Variants in LARP1 observed in about 807,000 individuals in gnomAD.
LARP1 encodes la-related protein 1.
In LARP1, 36 loss-of-function variants were observed where a neutral mutation model predicts 122.7. The ratio of observed to expected loss-of-function variants is 0.29; its 90% CI spans 0.22 to 0.39. LARP1 has a LOEUF of 0.39. Ranked by LOEUF, LARP1 falls within the 10% of genes least tolerant of loss-of-function variation. LARP1 has a pLI of 1.00. For missense variants in LARP1, 1,040 were observed against 1,403.6 expected (o/e 0.74, Z 4.14); for synonymous variants, 539 against 528.7 (o/e 1.02, Z -0.27).
At chr5:154,727,764 A>G (rs1191520444) in intron 1 of LARP1, among the ~76,000 whole-genome samples, 5 of 152,186 alleles carry the variant, frequency 3.3e-5, no homozygotes, top group Non-Finnish European at 5.9e-5. Flanking sequence ...ATACAACTTT[A>G]TCTGTAAAAT....
intron 1 of LARP1, among the ~76,000 whole-genome samples, chr5:154,750,250 G>A (rs958101123): frequency 6.6e-6 from 1 of 152,198 alleles, no homozygotes; most frequent in Non-Finnish European, 1.5e-5. Flanking sequence ...GTGCAGTGGT[G>A]CAATCATGGC....
intron 1 of LARP1, among the ~76,000 whole-genome samples, chr5:154,738,546 C>T (rs1330031478): frequency 1.3e-5 from 2 of 151,960 alleles, no homozygotes; most frequent in Admixed American, 6.6e-5. Context: ...GAGCCGAGAT[C>T]GGGCCACCGC....
At chr5:154,707,644 G>T (rs954798084) in intron 1 of LARP1, among the ~76,000 whole-genome samples, 1 of 152,132 alleles carries the variant, frequency 6.6e-6, no homozygotes, top group Non-Finnish European at 1.5e-5. Context: ...GGGTGGGGGG[G>T]CATGGTTTCA....
chr5:154,795,979 TTATATATTATATATTTTTA>T (rs1757752269), intron 8 of LARP1, among the ~76,000 whole-genome samples: 1 of 118,590 alleles, frequency 8.4e-6, no homozygotes, highest in Non-Finnish European at 1.6e-5. Context: ...TATTATATAT[TTATATATTATATATTTTTA>T]TATATATTAT....
At chr5:154,723,902 C>T (rs962906145) in intron 1 of LARP1, among the ~76,000 whole-genome samples, 7 of 152,208 alleles carry the variant, frequency 4.6e-5, no homozygotes, top group African/African-American at 1.7e-4. Flanking sequence ...GATTCTCCCT[C>T]TACTCTGGAT....
intron 15 of LARP1, among the ~76,000 whole-genome samples, chr5:154,807,690 A>G (rs891490714): frequency 6.6e-6 from 1 of 152,192 alleles, no homozygotes; most frequent in Admixed American, 6.5e-5. Context: ...AGCTGGGACT[A>G]CAGGCATGCT....
At chr5:154,764,662 T>C (rs554190012) in intron 1 of LARP1, among the ~76,000 whole-genome samples, 5 of 150,280 alleles carry the variant, frequency 3.3e-5, no homozygotes, top group African/African-American at 7.3e-5. Context: ...CCCAGCACTT[T>C]GGGAGGCCGA....
chr5:154,789,150 G>A (rs1216554660), intron 1 of LARP1, among the ~76,000 whole-genome samples: 1 of 150,856 alleles, frequency 6.6e-6, no homozygotes, highest in East Asian at 2.0e-4. Flanking sequence ...GGCAGGTGTT[G>A]CAGTGAGCCG....
chr5:154,792,970 C>T (rs1393044297), intron 4 of LARP1, among the ~76,000 whole-genome samples, 174 bp downstream of exon 4: 1 of 152,146 alleles, frequency 6.6e-6, no homozygotes, highest in Non-Finnish European at 1.5e-5. Context: ...ATTAATCAGT[C>T]CCTCCTTTCA....
intron 1 of LARP1, among the ~76,000 whole-genome samples, chr5:154,715,668 G>A (rs532243300): frequency 5.3e-5 from 8 of 152,248 alleles, no homozygotes; most frequent in African/African-American, 1.7e-4. Context: ...GGGTGTGTGC[G>A]AATATTTTTT....
At position 154,758,337 on chromosome 5, in the gene LARP1, G is replaced by C. The variant is rs561972242; in HGVS notation, c.436+2144G>C. ...GCCCAAAGCAAAATTCTGAGTAAGG[G>C]TAGATTTGCTCTGTTATTGTTTTTT... On this transcript the variant is annotated intron_variant, in intron 1 of 18. Coordinates refer to ENST00000518297, the MANE Select transcript of LARP1 (RefSeq NM_033551.3). Among the ~76,000 whole-genome samples the C allele has an allele frequency of 2.0e-5, 3 of 152,326 alleles. 1 individual carries two copies. The highest frequency in any genetic ancestry group is 7.2e-5 in the African/African-American group (3 of 41,580).
At chr5:154,764,207 G>C (rs776788722) in intron 1 of LARP1, among the ~76,000 whole-genome samples, 1 of 151,906 alleles carries the variant, frequency 6.6e-6, no homozygotes, top group Non-Finnish European at 1.5e-5. Flanking sequence ...CTACTCGGGA[G>C]GCTGAGGCAG....
chr5:154,758,819 A>C (rs1007672835), intron 1 of LARP1, among the ~76,000 whole-genome samples: 1 of 152,218 alleles, frequency 6.6e-6, no homozygotes, highest in African/African-American at 2.4e-5. Flanking sequence ...AGTAACTAGT[A>C]ATAAAATATG....
chr5:154,755,820 C>CG lies in LARP1; in HGVS notation c.69dup (p.Leu24AlafsTer106). 2.0e-6 allele frequency: 2 copies of CG among 997,712 alleles called. No individual in the cohort carries two copies. The highest frequency in any genetic ancestry group is 8.0e-5 in the South Asian group (2 of 24,992). 61.8% of individuals were successfully genotyped at this position (997,712 alleles called of 1,614,324 possible). ...CCACGCTCTTGCAGGCCGAAGAGCACGGGGGGCTGGTGAGGAAGAAGCCGC... is the reference window on the plus strand; with the variant it reads ...CCACGCTCTTGCAGGCCGAAGAGCACGGGGGGGCTGGTGAGGAAGAAGCCGC... On this transcript the variant is annotated frameshift_variant, in exon 1 of 19. Transcript: ENST00000518297. LOFTEE classifies it high-confidence loss of function.
At chr5:154,721,237 C>T (rs1755846482) in intron 1 of LARP1, among the ~76,000 whole-genome samples, 1 of 151,706 alleles carries the variant, frequency 6.6e-6, no homozygotes, top group African/African-American at 2.4e-5. Flanking sequence ...GTCCCAGCTA[C>T]TCCAGAGGCT....
At chr5:154,807,040 T>A (rs1758847868) in intron 15 of LARP1, among the ~76,000 whole-genome samples, 1 of 152,216 alleles carries the variant, frequency 6.6e-6, no homozygotes, top group Admixed American at 6.5e-5. Flanking sequence ...CTCTAAGGAT[T>A]TTGCCTATTC....
chr5:154,805,800 G>C, intron 14 of LARP1, 81 bp from the exon 15 acceptor site: 1 of 1,463,984 alleles, frequency 6.8e-7, no homozygotes, highest in Non-Finnish European at 9.3e-7. Context: ...TTGGCTGACA[G>C]AACGGATCAG....
chr5:154,690,716 G>A (rs1359589634), intron 1 of LARP1, among the ~76,000 whole-genome samples: 1 of 152,200 alleles, frequency 6.6e-6, no homozygotes, highest in African/African-American at 2.4e-5. Flanking sequence ...GGCCCCGCCC[G>A]CACTGGTGGT....
chr5:154,773,067 C>T (rs1023678326), intron 1 of LARP1, among the ~76,000 whole-genome samples: 3 of 146,240 alleles, frequency 2.1e-5, no homozygotes, highest in East Asian at 2.0e-4. Context: ...GGAAGAGTTG[C>T]GATAAAGAAC....
Sources: gnomAD v4.1 joint callset for allele counts (sites outside exome capture counted in the v4.1 genomes callset) on GRCh38, gnomAD v4.1.1 for gene constraint, MANE v1.5 for transcripts, NCBI Gene and HGNC (gene_info 2026-07-23, HGNC 2026-07-21) for gene names.